PCDHA4: variants seen among roughly 807,000 people sequenced by gnomAD.
The protein encoded by PCDHA4 is protocadherin alpha-4.
In PCDHA4, 49 loss-of-function variants were observed where a neutral mutation model predicts 61.4. The ratio of observed to expected loss-of-function variants is 0.80; its 90% confidence interval spans 0.63 to 1.01. PCDHA4 has a LOEUF of 1.01. Among genes scored for constraint, PCDHA4 ranks in the 50% least tolerant of loss-of-function variants. The probability of loss-of-function intolerance (pLI) is 0.00; values close to 1 mark genes in which losing one functional copy is unlikely to be tolerated. For missense variants in PCDHA4, 1,254 were observed against 1,235.8 expected (o/e 1.01, Z -0.22); for synonymous variants, 590 against 550.3 (o/e 1.07, Z -1.01).
chr5:140,902,201 T>C (rs1554190261), intron 1 of PCDHA4, among the ~76,000 whole-genome samples: 1 of 145,052 alleles, frequency 6.9e-6, no homozygotes. Flanking sequence ...CTCTCTCTCT[T>C]TCTTTTTTTT....
chr5:140,883,356 C>T (rs147755059), intron 1 of PCDHA4: 31 of 1,614,190 alleles, frequency 1.9e-5, no homozygotes, highest in Non-Finnish European at 2.3e-5. Flanking sequence ...AGAGAAGACA[C>T]TCAGCCTAGC....
intron 1 of PCDHA4, among the ~76,000 whole-genome samples, chr5:140,871,958 G>A (rs1251366239): frequency 1.3e-5 from 2 of 152,180 alleles, no homozygotes; most frequent in Non-Finnish European, 2.9e-5. Context: ...CTAAAGGGAG[G>A]AGGTCTTCCT....
intron 1 of PCDHA4, among the ~76,000 whole-genome samples, chr5:140,846,775 G>A (rs1476675003): frequency 6.7e-6 from 1 of 149,304 alleles, no homozygotes; most frequent in East Asian, 1.9e-4. Context: ...ATCATGTCAG[G>A]AATTATTACT....
chr5:140,836,616 G>A, intron 1 of PCDHA4: 5 of 1,613,694 alleles, frequency 3.1e-6, no homozygotes, highest in Non-Finnish European at 4.2e-6. Context: ...CTCCAGCGCG[G>A]TGGGGAGCTG....
intron 1 of PCDHA4, chr5:140,883,711 C>T (rs1554179442): frequency 2.5e-6 from 4 of 1,613,576 alleles, no homozygotes; most frequent in Non-Finnish European, 3.4e-6. Flanking sequence ...CTGCTCAGGA[C>T]GCGGACGCAC....
At chr5:140,883,144 A>C (rs782107481) in intron 1 of PCDHA4, 4 of 1,614,086 alleles carry the variant, frequency 2.5e-6, no homozygotes, top group Non-Finnish European at 3.4e-6. Context: ...TGGTATATGC[A>C]TTTACCATAA....
Position 140,925,879 on chromosome 5 carries a change from C to A in PCDHA4, c.2386-53070C>A, listed in dbSNP as rs138501139. Reference sequence around the variant, plus strand: ...GTTATTGCTATTGACTGGTTTATAACCTCCTCTTTCACCCAGATCGTCAAG... The same window carrying A: ...GTTATTGCTATTGACTGGTTTATAAACTCCTCTTTCACCCAGATCGTCAAG... On this transcript the variant is annotated intron_variant, in intron 1 of 3. Coordinates refer to ENST00000530339, the MANE Select transcript of PCDHA4 (RefSeq NM_018907.4). Among the ~76,000 whole-genome samples, 60 of 152,212 alleles carry A rather than the reference C, an allele frequency of 3.9e-4. No individual in the cohort carries two copies. In the East Asian group the frequency reaches 7.4e-3, roughly 19 times the overall value.
intron 1 of PCDHA4, chr5:140,856,456 A>T: frequency 6.3e-7 from 1 of 1,598,478 alleles, no homozygotes; most frequent in Non-Finnish European, 8.6e-7. Flanking sequence ...CCGTAACAGA[A>T]CAAAAGCTCT....
intron 1 of PCDHA4, among the ~76,000 whole-genome samples, chr5:140,838,012 A>G (rs2150146283): frequency 6.6e-6 from 1 of 151,110 alleles, no homozygotes; most frequent in East Asian, 1.9e-4. Flanking sequence ...TAAAAAAAGA[A>G]GTGATTACAG....
chr5:140,824,236 A>G (rs1554129815), intron 1 of PCDHA4: 1 of 1,505,494 alleles, frequency 6.6e-7, no homozygotes, highest in Admixed American at 1.7e-5. Context: ...GTACACAAAT[A>G]TTGTGGTACA....
At chr5:140,849,860 C>A in intron 1 of PCDHA4, 1 of 1,598,548 alleles carries the variant, frequency 6.3e-7, no homozygotes, top group South Asian at 1.1e-5. Flanking sequence ...CACCAGCGTT[C>A]GCGCAGTCCG....
intron 1 of PCDHA4, among the ~76,000 whole-genome samples, chr5:140,897,219 C>T (rs1169975962): frequency 1.1e-4 from 17 of 152,004 alleles, no homozygotes; most frequent in Admixed American, 1.1e-3. Flanking sequence ...TTTTAGGGTA[C>T]ATGTGCACAA....
At chr5:140,894,403 T>C (rs1442623931) in intron 1 of PCDHA4, among the ~76,000 whole-genome samples, 3 of 152,046 alleles carry the variant, frequency 2.0e-5, no homozygotes, top group Non-Finnish European at 4.4e-5. Context: ...TTCTTTGCTT[T>C]TCTTTTGTAG....
intron 1 of PCDHA4, among the ~76,000 whole-genome samples, chr5:140,908,224 C>T (rs2073867832): frequency 6.6e-6 from 1 of 152,160 alleles, no homozygotes; most frequent in Admixed American, 6.5e-5. Flanking sequence ...GTGAACCAGT[C>T]CTTAGTCTTC....
intron 1 of PCDHA4, chr5:140,853,229 A>G (rs2042677990): frequency 2.0e-6 from 2 of 981,308 alleles, no homozygotes; most frequent in Admixed American, 1.3e-4. Flanking sequence ...TTGGTAATTT[A>G]GTCCTTCATA....
chr5:140,882,157 C>G, intron 1 of PCDHA4: 5 of 1,504,750 alleles, frequency 3.3e-6, no homozygotes, highest in Non-Finnish European at 8.9e-7. Flanking sequence ...AAGCGGAATA[C>G]CTCTTGCGAA....
chr5:140,885,371 C>T (rs2153409645), intron 1 of PCDHA4, among the ~76,000 whole-genome samples: 1 of 152,182 alleles, frequency 6.6e-6, no homozygotes, highest in East Asian at 1.9e-4. Flanking sequence ...CTGAAAGTAC[C>T]TTTTGGCAGT....
At chr5:140,913,945 A>T (rs2076523304) in intron 1 of PCDHA4, among the ~76,000 whole-genome samples, 1 of 152,086 alleles carries the variant, frequency 6.6e-6, no homozygotes, top group Non-Finnish European at 1.5e-5. Flanking sequence ...AAGAATCTTG[A>T]TATGATATCA....
intron 1 of PCDHA4, among the ~76,000 whole-genome samples, chr5:140,820,180 G>A (rs1766704546): frequency 6.6e-6 from 1 of 151,862 alleles, no homozygotes; most frequent in Non-Finnish European, 1.5e-5. Flanking sequence ...AATAGTCTGG[G>A]AAATTGATTT....
Sources: gnomAD v4.1 joint callset for allele counts (sites outside exome capture counted in the v4.1 genomes callset) on GRCh38, gnomAD v4.1.1 for gene constraint, MANE v1.5 for transcripts, NCBI Gene and HGNC (gene_info 2026-07-23, HGNC 2026-07-21) for gene names.